Variants in DOCK6 observed in about 807,000 individuals in gnomAD.
DOCK6 encodes the protein dedicator of cytokinesis protein 6.
DOCK6 carries 167 observed loss-of-function variants against 230.3 expected under a neutral mutation model. The ratio of observed to expected loss-of-function variants is 0.73; its 90% CI spans 0.64 to 0.82. The LOEUF is 0.82. DOCK6 is among the 40% of genes least tolerant of loss of function. The pLI is 0.00. For missense variants in DOCK6, 2,598 were observed against 2,825.8 expected, an observed-to-expected ratio of 0.92 and a Z score of 1.83; for synonymous variants, 1,148 against 1,185.0, an observed-to-expected ratio of 0.97 and a Z score of 0.64.
chr19:11,253,931 A>C, intron 1 of DOCK6: 1 of 469,506 alleles, frequency 2.1e-6, no homozygotes. Context: ...GGAGATGAGA[A>C]TGCTGCCACC....
intron 6 of DOCK6, among the ~76,000 whole-genome samples, chr19:11,248,535 G>A (rs965619405): frequency 2.0e-5 from 3 of 151,776 alleles, no homozygotes; most frequent in Admixed American, 1.3e-4. Context: ...CTCAGCCTCC[G>A]GAGTAGCTGG....
chr19:11,203,102 G>A (rs2079198356), intron 41 of DOCK6, among the ~76,000 whole-genome samples: 1 of 152,154 alleles, frequency 6.6e-6, no homozygotes, highest in Non-Finnish European at 1.5e-5. Flanking sequence ...ATGCTTGGAT[G>A]GCTGAGGGAA....
chr19:11,216,028 C>G, intron 30 of DOCK6, 101 bp from the exon 31 acceptor site: 5 of 1,474,010 alleles, frequency 3.4e-6, no homozygotes, highest in Non-Finnish European at 1.8e-6. Flanking sequence ...CACCTCCGGG[C>G]CCCTGTGCTT....
At chr19:11,259,556 C>CTTTTCT (rs1555698569) in intron 1 of DOCK6, among the ~76,000 whole-genome samples, 2 of 103,644 alleles carry the variant, frequency 1.9e-5, no homozygotes, top group African/African-American at 3.5e-5. Flanking sequence ...TATTTCTTTT[C>CTTTTCT]TTTTTTTTTT....
rs1568671271 is a variant in DOCK6 at position 11,208,947 on chromosome 19, G to A, written c.4908C>T (p.Asp1636=). 1 of 1,598,570 alleles carries A rather than the reference G, an allele frequency of 6.3e-7. No individual in the cohort carries two copies. The part of the protein sequence containing the change: ...LVAEYLALLE[D]HRHLPVGCVS... ...CGCAGCCCACGGGCAGGTGGCGGTG[G>A]TCCTCGAGCAGGGCGAGGTACTCAG... Residue 1636 remains aspartate, a synonymous_variant, in exon 38 of 48, where the codon GAC becomes GAT. Coordinates refer to ENST00000294618, the MANE Select transcript of DOCK6 (RefSeq NM_020812.4).
intron 32 of DOCK6, 110 bp from the exon 33 acceptor site, chr19:11,214,759 G>C: frequency 1.0e-6 from 1 of 972,496 alleles, no homozygotes; most frequent in Non-Finnish European, 1.6e-6. Context: ...CCTGGAAGCT[G>C]TTCTGTTTTT....
Position 11,209,022 on chromosome 19 carries a change from G to A in DOCK6, c.4833C>T (p.Gly1611=). The A allele has an allele frequency of 1.2e-6, 2 of 1,611,908 alleles. No homozygotes were observed. The highest frequency in any genetic ancestry group is 1.7e-6 in the Non-Finnish European group (2 of 1,179,290). Residue 1611 remains glycine, a synonymous_variant, in exon 38 of 48, where the codon GGC becomes GGT. Coordinates refer to ENST00000294618, the MANE Select transcript of DOCK6 (RefSeq NM_020812.4). ...TGCACTGGGCGGCCTCGGCGTGGTTGCCCAGCTCCGCGTGCTTCCCGGCCA... is the reference window on the plus strand; with the variant it reads ...TGCACTGGGCGGCCTCGGCGTGGTTACCCAGCTCCGCGTGCTTCCCGGCCA... The part of the protein sequence containing the change: ...QNMAGKHAEL[G]NHAEAAQCMV...
Position 11,252,289 on chromosome 19 carries a change from G to C in DOCK6, c.378-41C>G, listed in dbSNP as rs937169478. The C allele has an allele frequency of 3.8e-6, 6 of 1,568,082 alleles. No individual in the cohort carries two copies. The African/African-American group carries it at 8.1e-5, about 21-fold the overall frequency. On this transcript the variant is annotated intron_variant, in intron 4 of 47. Transcript: ENST00000294618. ...GCTGGGCAGGTAGGGAGGGCTGAGGGCCCCCAGGGGGTCCCCAGTGTGTTC... is the reference window on the plus strand; with the variant it reads ...GCTGGGCAGGTAGGGAGGGCTGAGGCCCCCCAGGGGGTCCCCAGTGTGTTC...
In DOCK6 at chr19:11,201,836, G is replaced by T; in HGVS notation, c.5688+53C>A. On this transcript the variant is annotated intron_variant, in intron 44 of 47. Transcript: ENST00000294618. The surrounding 1 kb of genome is among the most constrained non-coding windows in gnomAD (Gnocchi z 4.3). ...GTCTACCCTCCCCTCCCCTCCCAGG[G>T]TCTGATGTCCCCTCACCTCCCCACC... 7.4e-7 allele frequency: 1 copy of T among 1,348,038 alleles called. No homozygotes were observed. The highest frequency in any genetic ancestry group is 2.6e-5 in the East Asian group (1 of 38,418). The allele number at this position is 1,348,038 out of a possible 1,614,324, so 83.5% of individuals were successfully genotyped here. A position where few individuals can be genotyped will look rare whatever the true frequency, so the allele number is the denominator to read the frequency against.
rs2079867678 is a variant in DOCK6 at position 11,237,509 on chromosome 19, G to A, written c.2020C>T (p.Leu674Phe). The A allele has an allele frequency of 2.5e-6, 4 of 1,613,208 alleles. No homozygotes were observed. Among genetic ancestry groups the A allele is most frequent in the Non-Finnish European group, 3.4e-6 (4 of 1,179,744 alleles). ...GGCGGCTGGTCCACAGACACTGGGA[G>A]ACAGAAGGGGCCGGTCCTCAGGCGC... ...HGRLRTGPFC[L>F]PVSVDQPPPS... The change falls in exon 18 of 48, where the codon CTC (leucine) becomes TTC (phenylalanine). Residue 674 changes from leucine to phenylalanine, a missense_variant. Physicochemically the swap from Leu to Phe is conservative, Grantham distance 22. Transcript: ENST00000294618.
intron 37 of DOCK6, 113 bp downstream of exon 37, chr19:11,211,663 C>T (rs1247713436): frequency 3.6e-6 from 3 of 828,220 alleles, no homozygotes; most frequent in Non-Finnish European, 5.8e-6. Context: ...CTGTTAGGGA[C>T]TGTATGCTCC....
chr19:11,214,562 GATCTC>G lies in DOCK6; in HGVS notation c.4189_4193del (p.Glu1397HisfsTer124). 1 of 1,613,908 alleles carries G rather than the reference GATCTC, an allele frequency of 6.2e-7. No homozygotes were observed. The highest frequency in any genetic ancestry group is 8.5e-7 in the Non-Finnish European group (1 of 1,179,882). ...CTGGATCAAGCCCTACCTGCACGAT[GATCTC>G]CAGTGTGTCCAGAACCACTAGGCTT... On this transcript the variant is annotated frameshift_variant, in exon 33 of 48. Transcript: ENST00000294618. LOFTEE classifies it high-confidence loss of function.
rs565417540 is a variant in DOCK6, at chr19:11,238,387, G to A, written c.1644-83C>T. ...AGGCTGGGGTGATGGGACAAGGCTG[G>A]CTGGGAGCACAGACAGTCCAGGAAG... On this transcript the variant is annotated intron_variant, in intron 14 of 47. Coordinates refer to ENST00000294618, the MANE Select transcript of DOCK6 (RefSeq NM_020812.4). The A allele has an allele frequency of 3.1e-6, 4 of 1,308,846 alleles. No individual in the cohort carries two copies. The East Asian group carries it at 1.0e-4, about 33-fold the overall frequency. The allele number at this position is 1,308,846 out of a possible 1,614,324, so 81.1% of individuals were successfully genotyped here.
In DOCK6 at chr19:11,222,258, G is replaced by T; in HGVS notation, c.3241-10C>A. On this transcript the variant is annotated splice_polypyrimidine_tract_variant and intron_variant, in intron 26 of 47. Coordinates refer to ENST00000294618, the MANE Select transcript of DOCK6 (RefSeq NM_020812.4). This position sits in a 1 kb window ranked among gnomAD's most constrained non-coding sequence, Gnocchi z 4.0. ...TGGAGAAGGTGGAGCTCTGCAGAGT[G>T]GGGGAAAAATGGGGGATGCCAGCGG... 1 of 1,591,284 alleles carries T rather than the reference G, an allele frequency of 6.3e-7. No individual in the cohort carries two copies. Among genetic ancestry groups the T allele is most frequent in the East Asian group, 2.3e-5 (1 of 43,866 alleles).
chr19:11,242,252 G>A (rs1394409003), intron 13 of DOCK6, 45 bp from the exon 14 acceptor site: 1 of 1,403,504 alleles, frequency 7.1e-7, no homozygotes, highest in Non-Finnish European at 9.3e-7. Flanking sequence ...GAGCCTCCTG[G>A]CTCAGCCCAC....
intron 28 of DOCK6, 140 bp from the exon 29 acceptor site, chr19:11,217,531 T>C: frequency 9.0e-7 from 1 of 1,110,898 alleles, no homozygotes; most frequent in Non-Finnish European, 1.3e-6. Context: ...CAGAGGCGGG[T>C]GGATCACCTG....
intron 22 of DOCK6, 150 bp from the exon 23 acceptor site, chr19:11,229,185 G>T: frequency 2.5e-6 from 3 of 1,221,384 alleles, no homozygotes; most frequent in Non-Finnish European, 3.3e-6. Flanking sequence ...GAGTGGAAGT[G>T]CCCTTTCCCT....
At position 11,252,149 on chromosome 19, in the gene DOCK6, A is replaced by G. The variant is rs1218199130; in HGVS notation, c.477T>C (p.Ser159=). Residue 159 remains serine (S), a synonymous_variant, in exon 5 of 48, where the codon TCT becomes TCC. Transcript: ENST00000294618. The part of the protein sequence containing the change: ...LPRQVFEQDA[S]GDERSGPEDS... ...CCTCAGGGCCGGACCTCTCGTCTCC[A>G]GAAGCATCCTGCTCAAAGACCTGGC... 6.3e-7 allele frequency: 1 copy of G among 1,588,420 alleles called. No homozygotes were observed. The highest frequency in any genetic ancestry group is 8.6e-7 in the Non-Finnish European group (1 of 1,167,840).
chr19:11,261,548 G>A (rs2080288802), intron 1 of DOCK6, among the ~76,000 whole-genome samples: 1 of 152,160 alleles, frequency 6.6e-6, no homozygotes, highest in Non-Finnish European at 1.5e-5. Flanking sequence ...GAGGATACCT[G>A]AGCTTCTGAA....
Sources: allele counts gnomAD v4.1 joint callset (sites outside exome capture counted in the v4.1 genomes callset), GRCh38; gene constraint gnomAD v4.1.1; non-coding constraint Gnocchi (gnomAD v3.1); transcripts MANE v1.5; gene names NCBI Gene and HGNC (gene_info 2026-07-23, HGNC 2026-07-21).